The following GALNTL6 variants were observed in gnomAD, a reference collection of about 807,000 sequenced individuals.
GALNTL6 encodes polypeptide N-acetylgalactosaminyltransferase-like 6.
A neutral mutation model predicts 73.7 loss-of-function variants in GALNTL6; 46 were observed. The observed-to-expected ratio is 0.62, with a 90% CI of 0.49 to 0.80. The LOEUF (loss-of-function observed/expected upper bound fraction) is 0.80. GALNTL6 is among the 30% of genes least tolerant of loss of function. The pLI is 0.00. For synonymous variants in GALNTL6, 259 were observed against 263.7 expected (o/e 0.98, Z 0.17); for missense variants, 604 against 755.0 (o/e 0.80, Z 2.34).
At chr4:172,060,943 A>G (rs1579098960) in intron 2 of GALNTL6, among the ~76,000 whole-genome samples, 1 of 152,332 alleles carries the variant, frequency 6.6e-6, no homozygotes, top group Non-Finnish European at 1.5e-5. Flanking sequence ...AAGGAAAATG[A>G]CAAATGCAGA....
intron 5 of GALNTL6, among the ~76,000 whole-genome samples, chr4:172,726,415 T>G (rs1735810965): frequency 6.6e-6 from 1 of 152,192 alleles, no homozygotes; most frequent in Non-Finnish European, 1.5e-5. Context: ...ACTTCCCACA[T>G]TCCTTTGTAC....
At chr4:172,451,280 T>G (rs1732198046) in intron 5 of GALNTL6, among the ~76,000 whole-genome samples, 1 of 152,216 alleles carries the variant, frequency 6.6e-6, no homozygotes, top group South Asian at 2.1e-4. Context: ...TAATCCCATT[T>G]GTTTCCTGTA....
chr4:172,344,736 C>T (rs1184925553), intron 4 of GALNTL6, among the ~76,000 whole-genome samples: 1 of 152,164 alleles, frequency 6.6e-6, no homozygotes, highest in Non-Finnish European at 1.5e-5. Context: ...CAAAGTTAGT[C>T]ACACTTCCTT....
chr4:172,288,696 T>C (rs1308981123), intron 3 of GALNTL6, among the ~76,000 whole-genome samples: 1 of 152,176 alleles, frequency 6.6e-6, no homozygotes, highest in Admixed American at 6.5e-5. Flanking sequence ...TAATAAATAT[T>C]TGTTGAATAA....
intron 3 of GALNTL6, among the ~76,000 whole-genome samples, chr4:172,241,948 T>C (rs563754196): frequency 1.3e-5 from 2 of 152,268 alleles, no homozygotes; most frequent in African/African-American, 4.8e-5. Flanking sequence ...TTCAGATTAT[T>C]AATAAAAGTT....
intron 5 of GALNTL6, among the ~76,000 whole-genome samples, chr4:172,596,484 A>G (rs1313546572): frequency 6.6e-6 from 1 of 151,432 alleles, no homozygotes; most frequent in Non-Finnish European, 1.5e-5. Flanking sequence ...TGTGACCAAG[A>G]TCAAGAAGGG....
At chr4:172,256,127 A>T (rs993559277) in intron 3 of GALNTL6, among the ~76,000 whole-genome samples, 1 of 151,510 alleles carries the variant, frequency 6.6e-6, no homozygotes, top group Non-Finnish European at 1.5e-5. Flanking sequence ...TAAATCCTCA[A>T]TCTTCATGAA....
chr4:172,038,388 A>G (rs921661731), intron 2 of GALNTL6, among the ~76,000 whole-genome samples: 1 of 152,190 alleles, frequency 6.6e-6, no homozygotes, highest in African/African-American at 2.4e-5. Context: ...TTTGCTAAAG[A>G]GAGTTTATAT....
At chr4:171,814,811 G>C (rs1277650619) in intron 2 of GALNTL6, 93 bp downstream of exon 2, 2 of 1,322,662 alleles carry the variant, frequency 1.5e-6, no homozygotes, top group Non-Finnish European at 2.1e-6. Flanking sequence ...ATCGCCTTGG[G>C]TTTTCCCCCA....
intron 2 of GALNTL6, among the ~76,000 whole-genome samples, chr4:171,873,098 A>G (rs933720402): frequency 6.6e-6 from 1 of 152,184 alleles, no homozygotes; most frequent in African/African-American, 2.4e-5. Context: ...TATTGGTTAC[A>G]GCAAACAGAA....
At chr4:172,011,590 C>A (rs1741008760) in intron 2 of GALNTL6, among the ~76,000 whole-genome samples, 1 of 151,994 alleles carries the variant, frequency 6.6e-6, no homozygotes, top group East Asian at 1.9e-4. Flanking sequence ...TATTTTTCAA[C>A]TCATATCATT....
At chr4:173,025,364 T>G (rs77786300) in intron 12 of GALNTL6, among the ~76,000 whole-genome samples, 2,800 of 152,254 alleles carry the variant, frequency 0.018, 96 homozygotes, top group African/African-American at 0.064. Context: ...TCTTCTTCAA[T>G]CCCCATTGGT....
intron 10 of GALNTL6, among the ~76,000 whole-genome samples, chr4:172,957,009 G>A (rs2126363333): frequency 6.6e-6 from 1 of 152,298 alleles, no homozygotes; most frequent in African/African-American, 2.4e-5. Context: ...GATGACCGTG[G>A]TGGCCTTCTT....
intron 2 of GALNTL6, among the ~76,000 whole-genome samples, chr4:172,079,706 C>T (rs1410413050): frequency 6.6e-6 from 1 of 151,886 alleles, no homozygotes; most frequent in Non-Finnish European, 1.5e-5. Context: ...TACTCAAGTT[C>T]TTCTGTGTAT....
At chr4:172,023,097 G>A (rs1579067528) in intron 2 of GALNTL6, among the ~76,000 whole-genome samples, 1 of 151,880 alleles carries the variant, frequency 6.6e-6, no homozygotes, top group African/African-American at 2.4e-5. Context: ...TACCATTGAA[G>A]AGGTGTCTCT....
intron 2 of GALNTL6, among the ~76,000 whole-genome samples, chr4:171,859,490 T>TA (rs1358515908): frequency 1.3e-5 from 2 of 152,160 alleles, no homozygotes; most frequent in Admixed American, 1.3e-4. Context: ...AGATTACCCT[T>TA]AGTCTTGATG....
At chr4:172,479,539 T>C (rs1733366964) in intron 5 of GALNTL6, among the ~76,000 whole-genome samples, 1 of 152,094 alleles carries the variant, frequency 6.6e-6, no homozygotes, top group African/African-American at 2.4e-5. Context: ...GTAATGGACA[T>C]TGCAGACTCA....
chr4:172,808,714 A>G (rs1226705678), intron 5 of GALNTL6, among the ~76,000 whole-genome samples: 1 of 152,206 alleles, frequency 6.6e-6, no homozygotes, highest in Non-Finnish European at 1.5e-5. Context: ...TTAATTAGGC[A>G]GGAAACATTT....
chr4:172,197,889 C>G (rs1299439474), intron 2 of GALNTL6, among the ~76,000 whole-genome samples: 1 of 152,130 alleles, frequency 6.6e-6, no homozygotes, highest in Non-Finnish European at 1.5e-5. Context: ...GCGGGCAGAT[C>G]ACGAGGTTAA....
Sources: allele counts gnomAD v4.1 joint callset (sites outside exome capture counted in the v4.1 genomes callset), GRCh38; gene constraint gnomAD v4.1.1; transcripts MANE v1.5; gene names NCBI Gene and HGNC (gene_info 2026-07-23, HGNC 2026-07-21).